The following CCDC77 variants were observed in gnomAD, a reference collection of about 807,000 sequenced individuals.
CCDC77 encodes coiled-coil domain-containing protein 77.
Under a neutral mutation model 66.8 loss-of-function variants are expected in CCDC77, and 56 were observed. The observed-to-expected ratio is 0.84, with a 90% CI of 0.68 to 1.05. The LOEUF is 1.05. Among genes scored for constraint, CCDC77 ranks in the 50% least tolerant of loss-of-function variants. CCDC77 has a pLI of 0.00. For missense variants in CCDC77, 570 were observed against 576.8 expected (o/e 0.99, Z 0.12); for synonymous variants, 196 against 195.2 (o/e 1.00, Z -0.03).
At chr12:427,199 C>T (rs1026639623) in intron 5 of CCDC77, among the ~76,000 whole-genome samples, 22 of 151,734 alleles carry the variant, frequency 1.4e-4, no homozygotes, top group African/African-American at 5.1e-4. Context: ...GAGCTGAGAT[C>T]ATGCCATTGC....
chr12:413,225 A>G (rs1184296611), intron 4 of CCDC77, among the ~76,000 whole-genome samples: 2 of 142,938 alleles, frequency 1.4e-5, no homozygotes, highest in African/African-American at 5.3e-5. Context: ...GGAGTGAGCA[A>G]CCGTGCCCGG....
intron 1 of CCDC77, among the ~76,000 whole-genome samples, chr12:392,596 T>A (rs1239978426): frequency 6.6e-6 from 1 of 151,942 alleles, no homozygotes; most frequent in Non-Finnish European, 1.5e-5. Context: ...AATACAAAAC[T>A]TAGCCGGGCG....
intron 8 of CCDC77, 124 bp from the exon 9 acceptor site, chr12:433,050 T>A: frequency 1.9e-6 from 2 of 1,029,368 alleles, no homozygotes; most frequent in Non-Finnish European, 2.9e-6. Context: ...ACAAGAGGAT[T>A]AGGATTGAGA....
At chr12:433,565 T>C in intron 9 of CCDC77, 1 of 972,668 alleles carries the variant, frequency 1.0e-6, no homozygotes, top group Non-Finnish European at 1.3e-6. Context: ...AGCTTGCTTC[T>C]GGTGGCTAAG....
intron 4 of CCDC77, among the ~76,000 whole-genome samples, chr12:416,959 G>T (rs1945298625): frequency 6.7e-6 from 1 of 150,234 alleles, no homozygotes; most frequent in Non-Finnish European, 1.5e-5. Context: ...GACCAACATG[G>T]CAAAACCTGT....
At chr12:418,250 T>C (rs1361166735) in intron 4 of CCDC77, among the ~76,000 whole-genome samples, 2 of 152,066 alleles carry the variant, frequency 1.3e-5, no homozygotes, top group African/African-American at 2.4e-5. Context: ...AAGGTGGAGG[T>C]TGCAGTGAGC....
chr12:398,650 G>A (rs1471008074), upstream of CCDC77, among the ~76,000 whole-genome samples: 1 of 151,962 alleles, frequency 6.6e-6, no homozygotes, highest in African/African-American at 2.4e-5. Flanking sequence ...CCCCCTCAAA[G>A]ACATCCAAGA....
rs906140301 is a variant in CCDC77, at chr12:432,013, C to T, written c.672+59C>T. On this transcript the variant is annotated intron_variant, in intron 8 of 12. Transcript: ENST00000239830. ...TTTATCCACAGGTGCAGCTCTATGT[C>T]ACATACCCTCAGTGTCATGTGATAA... 20 of 952,876 alleles carry T rather than the reference C, an allele frequency of 2.1e-5. No homozygotes were observed. The Admixed American group carries it at 3.5e-4, about 17-fold the overall frequency. The allele number at this position is 952,876 out of a possible 1,614,324, so 59.0% of individuals were successfully genotyped here.
At chr12:417,095 T>G (rs1489720431) in intron 4 of CCDC77, among the ~76,000 whole-genome samples, 1 of 143,394 alleles carries the variant, frequency 7.0e-6, no homozygotes, top group Non-Finnish European at 1.5e-5. Context: ...ATCACACCAC[T>G]GCATTCCAGC....
At position 413,083 on chromosome 12, in the gene CCDC77, C is replaced by T. The variant is rs112202624; in HGVS notation, c.270+1105C>T. 4.6e-4 allele frequency among the ~76,000 whole-genome samples: 64 copies of T among 140,270 alleles called. 1 individual carries two copies. The highest frequency in any genetic ancestry group is 1.5e-3 in the African/African-American group (56 of 37,640). 92.0% of individuals were successfully genotyped at this position (140,270 alleles called of 152,430 possible). Reference sequence around the variant, plus strand: ...CCTCCCGAGTAGCTGGGACTGCAGGCGCCCGCAACCATGCCTGGCTAATTT... The same window carrying T: ...CCTCCCGAGTAGCTGGGACTGCAGGTGCCCGCAACCATGCCTGGCTAATTT... On this transcript the variant is annotated intron_variant, in intron 4 of 12. Transcript: ENST00000239830.
chr12:414,015 A>G (rs569653011), intron 4 of CCDC77, among the ~76,000 whole-genome samples: 32 of 151,624 alleles, frequency 2.1e-4, no homozygotes, highest in African/African-American at 6.8e-4. Context: ...CTGTTTACCA[A>G]ACTTTTCTCT....
chr12:399,769 G>A (rs1243610449), upstream of CCDC77, among the ~76,000 whole-genome samples: 2 of 152,188 alleles, frequency 1.3e-5, no homozygotes, highest in African/African-American at 2.4e-5. Context: ...CATTTATAGA[G>A]CACAGGCAGA....
chr12:411,496 T>A (rs910067893), intron 3 of CCDC77, among the ~76,000 whole-genome samples: 5 of 151,754 alleles, frequency 3.3e-5, no homozygotes, highest in South Asian at 4.2e-4. Context: ...TTTTTTTTTT[T>A]AAATAAAGAC....
At chr12:441,522 T>C (rs556389402) in intron 12 of CCDC77, among the ~76,000 whole-genome samples, 6 of 152,310 alleles carry the variant, frequency 3.9e-5, no homozygotes, top group African/African-American at 1.4e-4. Context: ...CTGGCCTCTC[T>C]TACTCCTCTT....
intron 4 of CCDC77, among the ~76,000 whole-genome samples, chr12:412,616 C>A (rs149902143): frequency 6.6e-6 from 1 of 152,206 alleles, no homozygotes; most frequent in Non-Finnish European, 1.5e-5. Context: ...TCAAGAATCT[C>A]TCCAGACATT....
At chr12:418,714 G>T (rs565124815) in intron 5 of CCDC77, 78 bp downstream of exon 5, 1 of 1,431,968 alleles carries the variant, frequency 7.0e-7, no homozygotes, top group South Asian at 1.2e-5. Context: ...TTCATTCATT[G>T]ATTTAGAGGC....
At chr12:396,324 G>A (rs1156397118) in intron 1 of CCDC77, among the ~76,000 whole-genome samples, 3 of 151,932 alleles carry the variant, frequency 2.0e-5, no homozygotes, top group Admixed American at 1.3e-4. Flanking sequence ...CCTGGGAGGC[G>A]GAGGTGGCAG....
chr12:395,074 G>GT (rs1377730379), intron 1 of CCDC77: 7 of 152,246 alleles, frequency 4.6e-5, no homozygotes, highest in Admixed American at 3.9e-4. Context: ...GGTGACATTT[G>GT]TTTTTTGTTC....
intron 9 of CCDC77, among the ~76,000 whole-genome samples, chr12:435,077 A>G (rs1335844276): frequency 1.8e-5 from 2 of 111,560 alleles, no homozygotes; most frequent in Non-Finnish European, 3.7e-5. Context: ...TATCACATGT[A>G]TTCCGTTTCC....
Sources: gnomAD v4.1 joint callset for allele counts (sites outside exome capture counted in the v4.1 genomes callset) on GRCh38, gnomAD v4.1.1 for gene constraint, MANE v1.5 for transcripts, NCBI Gene and HGNC (gene_info 2026-07-23, HGNC 2026-07-21) for gene names.